The following GRM7 variants were observed in gnomAD, a reference collection of about 807,000 sequenced individuals.
GRM7 encodes the protein glutamate metabotropic receptor 7.
In GRM7, 35 loss-of-function variants were observed where a neutral mutation model predicts 84.5. The ratio of observed to expected loss-of-function variants is 0.41; its 90% confidence interval spans 0.32 to 0.55. The LOEUF (loss-of-function observed/expected upper bound fraction) is 0.55, where lower values mean the gene tolerates loss of function less well. Among genes scored for constraint, GRM7 ranks in the 20% least tolerant of loss-of-function variants. GRM7 has a pLI of 0.19. For missense variants in GRM7, 1,003 were observed against 1,194.6 expected, an observed-to-expected ratio of 0.84 and a Z score of 2.36; for synonymous variants, 487 against 455.1, an observed-to-expected ratio of 1.07 and a Z score of -0.89.
intron 4 of GRM7, among the ~76,000 whole-genome samples, chr3:7,334,424 C>T (rs1701323828): frequency 1.3e-5 from 2 of 151,958 alleles, no homozygotes; most frequent in South Asian, 2.1e-4. Flanking sequence ...TAAAATAAAA[C>T]CTGAAAATAT....
chr3:7,271,234 T>C lies in GRM7; in HGVS notation c.737-27450T>C, dbSNP rs185054313. ...TTTAAAATGCAGTTTGAAGTTAAGCTGCTTGGTTACATAACCTGGAACTCG... is the reference window on the plus strand; with the variant it reads ...TTTAAAATGCAGTTTGAAGTTAAGCCGCTTGGTTACATAACCTGGAACTCG... On this transcript the variant is annotated intron_variant, in intron 2 of 9. Transcript: ENST00000357716. Among the ~76,000 whole-genome samples the C allele has an allele frequency of 3.9e-4, 60 of 152,238 alleles. 1 individual carries two copies. The East Asian group carries it at 8.9e-3, about 23-fold the overall frequency.
rs1269980415 is a variant in GRM7 at position 7,521,527 on chromosome 3, A to G, written c.1516-56895A>G. On this transcript the variant is annotated intron_variant, in intron 7 of 9. Transcript: ENST00000357716. ...TCTAAGAACCAGAAAGCAGACTCTC[A>G]CCAGACACTGAATCTGCCAGCAACT... 2.0e-5 allele frequency among the ~76,000 whole-genome samples: 3 copies of G among 152,286 alleles called. No individual in the cohort carries two copies. The East Asian group carries it at 5.8e-4, about 30-fold the overall frequency.
intron 6 of GRM7, 46 bp downstream of exon 6, chr3:7,452,853 A>G (rs1559333111): frequency 8.5e-7 from 1 of 1,174,606 alleles, no homozygotes; most frequent in African/African-American, 1.5e-5. Context: ...AAGTGTTGGC[A>G]TTCTGTTTCA....
chr3:7,682,620 G>A (rs1700423510), intron 9 of GRM7, among the ~76,000 whole-genome samples: 1 of 151,852 alleles, frequency 6.6e-6, no homozygotes, highest in Admixed American at 6.6e-5. Context: ...CATAATTGGA[G>A]GGCTATATTT....
intron 2 of GRM7, among the ~76,000 whole-genome samples, chr3:7,161,745 G>A (rs533431011): frequency 6.6e-6 from 1 of 152,272 alleles, no homozygotes; most frequent in East Asian, 1.9e-4. Flanking sequence ...CTGGTGTCAA[G>A]CACTATTCTA....
chr3:6,964,236 C>G (rs928800392), intron 1 of GRM7, among the ~76,000 whole-genome samples: 1 of 152,148 alleles, frequency 6.6e-6, no homozygotes, highest in Non-Finnish European at 1.5e-5. Flanking sequence ...GAAATTTTCT[C>G]ACAGTTCTGT....
chr3:6,982,250 A>G (rs1012971688), intron 1 of GRM7, among the ~76,000 whole-genome samples: 1 of 152,200 alleles, frequency 6.6e-6, no homozygotes, highest in Admixed American at 6.5e-5. Flanking sequence ...AACATTGGGT[A>G]TACGTGGCTA....
In GRM7 at chr3:7,657,740, C is replaced by T. The variant is rs1248608584; in HGVS notation, c.2452-22309C>T. Among the ~76,000 whole-genome samples the T allele has an allele frequency of 2.0e-5, 3 of 152,240 alleles. No homozygotes were observed. In the South Asian group the frequency reaches 6.2e-4, roughly 32 times the overall value. Reference sequence around the variant, plus strand: ...GCTGGGAGGGGAGCAGAAACAGATACATCAATTATGAATTCTGGAAATGAT... The same window carrying T: ...GCTGGGAGGGGAGCAGAAACAGATATATCAATTATGAATTCTGGAAATGAT... On this transcript the variant is annotated intron_variant, in intron 8 of 9. Coordinates refer to ENST00000357716, the MANE Select transcript of GRM7 (RefSeq NM_000844.4).
chr3:7,461,692 C>T lies in GRM7; in HGVS notation c.1485C>T (p.Ile495=), dbSNP rs150784421. Residue 495 remains isoleucine, a synonymous_variant, in exon 7 of 10, where the codon ATC becomes ATT. Transcript: ENST00000357716. ...CCAGCAACCCGGGTTACCGTCTGAT[C>T]GGGCAGTGGACAGACGAACTTCAGC... is the stretch of plus-strand genomic sequence containing the variant. The part of the protein sequence containing the change: ...TNTSNPGYRL[I]GQWTDELQLN... The T allele has an allele frequency of 3.3e-5, 53 of 1,613,850 alleles. No homozygotes were observed. The East Asian group carries it at 1.0e-3, about 31-fold the overall frequency.
intron 4 of GRM7, among the ~76,000 whole-genome samples, chr3:7,375,481 G>A (rs1386666335): frequency 6.6e-6 from 1 of 152,058 alleles, no homozygotes; most frequent in Non-Finnish European, 1.5e-5. Flanking sequence ...GCCTCCCAAA[G>A]TGCTGGGATT....
chr3:7,175,654 C>G (rs755879162), intron 2 of GRM7, among the ~76,000 whole-genome samples: 87 of 152,222 alleles, frequency 5.7e-4, no homozygotes, highest in Non-Finnish European at 1.1e-3. Context: ...TCTTCTGCCT[C>G]AGCCTCCTGA....
chr3:6,941,710 G>A (rs1280633072), intron 1 of GRM7, among the ~76,000 whole-genome samples: 1 of 152,152 alleles, frequency 6.6e-6, no homozygotes, highest in African/African-American at 2.4e-5. Flanking sequence ...GTATATTTCA[G>A]TCTCTTCATT....
At chr3:6,995,928 T>C (rs2124866198) in intron 1 of GRM7, among the ~76,000 whole-genome samples, 1 of 152,298 alleles carries the variant, frequency 6.6e-6, no homozygotes, top group Non-Finnish European at 1.5e-5. Flanking sequence ...GGTAAGCTTC[T>C]GTACACTACT....
At chr3:7,426,495 C>T (rs999316990) in intron 5 of GRM7, among the ~76,000 whole-genome samples, 1 of 151,766 alleles carries the variant, frequency 6.6e-6, no homozygotes. Flanking sequence ...TTTTTTTTCC[C>T]CCAATACAAC....
At chr3:7,057,380 A>G (rs1322969459) in intron 1 of GRM7, among the ~76,000 whole-genome samples, 1 of 151,950 alleles carries the variant, frequency 6.6e-6, no homozygotes, top group Non-Finnish European at 1.5e-5. Flanking sequence ...ATACAAAGTA[A>G]TGCAATGGTT....
At chr3:7,223,125 G>A (rs1373593792) in intron 2 of GRM7, among the ~76,000 whole-genome samples, 1 of 151,700 alleles carries the variant, frequency 6.6e-6, no homozygotes, top group Non-Finnish European at 1.5e-5. Flanking sequence ...TTTTTTCCCT[G>A]TTAACCTTGC....
intron 7 of GRM7, among the ~76,000 whole-genome samples, chr3:7,494,451 A>G (rs1211067758): frequency 2.0e-5 from 3 of 152,142 alleles, no homozygotes; most frequent in Non-Finnish European, 4.4e-5. Context: ...CTTTAGATTT[A>G]TCCTTTTGGA....
chr3:7,638,796 C>T (rs1872395), intron 8 of GRM7, among the ~76,000 whole-genome samples: 132,557 of 152,212 alleles, frequency 0.87, 57,878 homozygotes, highest in African/African-American at 0.94. Context: ...GACACCACTA[C>T]TGTGTGCTCC....
rs1021328725 is a variant in GRM7, at chr3:7,550,895, C to G, written c.1516-27527C>G. 6.6e-5 allele frequency among the ~76,000 whole-genome samples: 10 copies of G among 152,060 alleles called. No homozygotes were observed. The East Asian group carries it at 1.9e-3, about 29-fold the overall frequency. ...CTTTAATTTCTCTAAGCCCCACTCT[C>G]CTACTCAATAAAATGTGGAAGCAGT... On this transcript the variant is annotated intron_variant, in intron 7 of 9. Coordinates refer to ENST00000357716, the MANE Select transcript of GRM7 (RefSeq NM_000844.4).
Sources: allele counts gnomAD v4.1 joint callset (sites outside exome capture counted in the v4.1 genomes callset), GRCh38; gene constraint gnomAD v4.1.1; transcripts MANE v1.5; gene names NCBI Gene and HGNC (gene_info 2026-07-23, HGNC 2026-07-21).